Variants in MTOR observed in about 807,000 individuals in gnomAD.
The protein encoded by MTOR is mechanistic target of rapamycin kinase.
MTOR carries 70 observed loss-of-function variants against 319.8 expected under a neutral mutation model. The ratio of observed to expected loss-of-function variants is 0.22; its 90% CI spans 0.18 to 0.27. The LOEUF is 0.27. Among genes scored for constraint, MTOR ranks in the 10% least tolerant of loss-of-function variants. The probability of loss-of-function intolerance (pLI) is 1.00; values close to 1 mark genes in which losing one functional copy is unlikely to be tolerated. For missense variants in MTOR, 1,890 were observed against 3,274.4 expected, an observed-to-expected ratio of 0.58 and a Z score of 10.32; for synonymous variants, 1,183 against 1,211.4, an observed-to-expected ratio of 0.98 and a Z score of 0.49.
At chr1:11,176,445 C>T (rs564912050) in intron 28 of MTOR, among the ~76,000 whole-genome samples, 21 of 152,342 alleles carry the variant, frequency 1.4e-4, no homozygotes, top group East Asian at 1.9e-4. Flanking sequence ...GCTTCCCCAG[C>T]GCTCCCATCA....
chr1:11,125,365 T>A (rs562469250), intron 46 of MTOR, among the ~76,000 whole-genome samples: 2 of 152,288 alleles, frequency 1.3e-5, no homozygotes, highest in East Asian at 3.9e-4. Context: ...GCAGAGATAA[T>A]CACCTGTGGA....
At chr1:11,192,367 G>A (rs1188095196) in intron 28 of MTOR, 1 of 1,609,840 alleles carries the variant, frequency 6.2e-7, no homozygotes, top group African/African-American at 1.3e-5. Flanking sequence ...GCCCTGAACT[G>A]GAGGTGAGGT....
chr1:11,139,805 C>T lies in MTOR; in HGVS notation c.4873-147G>A, dbSNP rs1643602932. 18 of 969,990 alleles carry T rather than the reference C, an allele frequency of 1.9e-5. 1 individual carries two copies. The South Asian group carries it at 2.7e-4, about 15-fold the overall frequency. The allele number at this position is 969,990 out of a possible 1,614,324, so 60.1% of individuals were successfully genotyped here. A position where few individuals can be genotyped will look rare whatever the true frequency, so the allele number is the denominator to read the frequency against. ...CTCCCGGGTTCAAGCAATTCTCCTG[C>T]CTCAGCCTCCCGAGTAGCGGGGATT... On this transcript the variant is annotated intron_variant, in intron 34 of 57. Coordinates refer to ENST00000361445, the MANE Select transcript of MTOR (RefSeq NM_004958.4).
intron 28 of MTOR, chr1:11,189,365 G>T (rs951804113): frequency 2.8e-5 from 16 of 571,184 alleles, no homozygotes; most frequent in African/African-American, 2.4e-4. Flanking sequence ...GGGCTTGGAA[G>T]GAAAGCTATA....
Position 11,114,844 on chromosome 1 carries a change from C to A in MTOR, c.7133G>T (p.Arg2378Ile), listed in dbSNP as rs2100320677. Residue 2378 changes from arginine (R) to isoleucine (I), a missense_variant, in exon 52 of 58, where the codon AGA (arginine) becomes ATA (isoleucine). Physicochemically the swap from Arg to Ile is moderately conservative, Grantham distance 97. Transcript: ENST00000361445. ...REKFPEKIPF[R>I]LTRMLTNAME... ...AGCATTGGTCAACATTCTTGTTAGT[C>A]TAAATGGAATCTTCTCTGGAAACTT... 6.2e-7 allele frequency: 1 copy of A among 1,614,126 alleles called. No homozygotes were observed. Among genetic ancestry groups the A allele is most frequent in the South Asian group, 1.1e-5 (1 of 91,068 alleles).
chr1:11,194,067 C>A (rs915637014), intron 28 of MTOR, among the ~76,000 whole-genome samples: 2 of 152,118 alleles, frequency 1.3e-5, no homozygotes, highest in African/African-American at 4.8e-5. Context: ...CTGCTCTGGC[C>A]GAGCATGAGG....
At position 11,133,901 on chromosome 1, in the gene MTOR, G is replaced by C. The variant is rs1238870465; in HGVS notation, c.5246+450C>G. Among the ~76,000 whole-genome samples the C allele has an allele frequency of 1.3e-5, 2 of 152,120 alleles. No homozygotes were observed. The highest frequency in any genetic ancestry group is 1.9e-4 in the East Asian group (1 of 5,202). The stretch of plus-strand genomic sequence containing the variant: ...ATTAAACTTGTAGGAGGAAATGCAG[G>C]CTCTATGCCTGTTCTTTTGTAGAGA... On this transcript the variant is annotated intron_variant, in intron 37 of 57. Transcript: ENST00000361445. This position sits in a 1 kb window ranked among gnomAD's most constrained non-coding sequence, Gnocchi z 4.0.
rs1354649699 is a variant in MTOR at position 11,262,396 on chromosome 1, T to C, written c.-15+49A>G. On this transcript the variant is annotated intron_variant, in intron 1 of 57. Transcript: ENST00000361445. ...CCCCCACGGGCAGGCTGGCCGTGGG[T>C]CTGGACATTACGCCGCCCTAGAGGG... The C allele has an allele frequency of 2.0e-5, 3 of 152,466 alleles. No individual in the cohort carries two copies. The East Asian group carries it at 5.8e-4, about 30-fold the overall frequency. The allele number at this position is 152,466 out of a possible 1,614,324, so 9.4% of individuals were successfully genotyped here.
intron 1 of MTOR, among the ~76,000 whole-genome samples, chr1:11,260,546 TAA>T (rs879816976): frequency 1.4e-4 from 19 of 135,328 alleles, no homozygotes; most frequent in Admixed American, 5.2e-4. Flanking sequence ...CCATCTCAAT[TAA>T]AAAAAAAAAA....
At chr1:11,227,347 T>C (rs535567387) in intron 19 of MTOR, among the ~76,000 whole-genome samples, 3 of 137,728 alleles carry the variant, frequency 2.2e-5, no homozygotes, top group East Asian at 4.1e-4. Flanking sequence ...TTGATAGTTA[T>C]AAATACAATA....
rs369958728 is a variant in MTOR at position 11,114,304 on chromosome 1, T to C, written c.7300+14A>G. ...GCCACTGAGCTCAGCTCCCAGGCAC[T>C]TGATGATACTCACTGTCCATCAGCC... On this transcript the variant is annotated intron_variant, in intron 53 of 57. Coordinates refer to ENST00000361445, the MANE Select transcript of MTOR (RefSeq NM_004958.4). 6.2e-6 allele frequency: 10 copies of C among 1,613,278 alleles called. No individual in the cohort carries two copies. Among genetic ancestry groups the C allele is most frequent in the East Asian group, 2.2e-5 (1 of 44,880 alleles).
chr1:11,259,465 A>G, intron 1 of MTOR, 42 bp from the exon 2 acceptor site: 1 of 1,498,494 alleles, frequency 6.7e-7, no homozygotes, highest in Non-Finnish European at 8.9e-7. Context: ...ATAAGAAAGT[A>G]TGATGATAAA....
Position 11,243,052 on chromosome 1 carries a change from T to C in MTOR, c.1412+62A>G, listed in dbSNP as rs1648291440. On this transcript the variant is annotated intron_variant, in intron 9 of 57. Coordinates refer to ENST00000361445, the MANE Select transcript of MTOR (RefSeq NM_004958.4). ...GGGCGTAAGCTCCGTGGATCTGAAATAGAGCGTCCTTCCTCTCCAACCAAA... is the reference window on the plus strand; with the variant it reads ...GGGCGTAAGCTCCGTGGATCTGAAACAGAGCGTCCTTCCTCTCCAACCAAA... 10 of 1,588,106 alleles carry C rather than the reference T, an allele frequency of 6.3e-6. 1 individual carries two copies. The highest frequency in any genetic ancestry group is 1.4e-5 in the African/African-American group (1 of 73,668).
intron 25 of MTOR, among the ~76,000 whole-genome samples, chr1:11,205,140 G>A (rs1278497715): frequency 6.6e-6 from 1 of 152,206 alleles, no homozygotes; most frequent in African/African-American, 2.4e-5. Flanking sequence ...GCAACCAGGT[G>A]AGCAGTGAGC....
chr1:11,146,481 T>C (rs765284723), intron 32 of MTOR, among the ~76,000 whole-genome samples, 195 bp downstream of exon 32: 17 of 151,840 alleles, frequency 1.1e-4, no homozygotes, highest in Non-Finnish European at 1.9e-4. Flanking sequence ...TTTGTCCCCC[T>C]CAGAACAATA....
Position 11,259,533 on chromosome 1 carries a change from G to T in MTOR, c.-14-110C>A, listed in dbSNP as rs908251470. The T allele has an allele frequency of 3.4e-6, 4 of 1,168,448 alleles. No individual in the cohort carries two copies. The African/African-American group carries it at 4.8e-5, about 14-fold the overall frequency. The allele number at this position is 1,168,448 out of a possible 1,614,324, so 72.4% of individuals were successfully genotyped here. On this transcript the variant is annotated intron_variant, in intron 1 of 57. Transcript: ENST00000361445. The stretch of plus-strand genomic sequence containing the variant: ...CTCCCCCTAGCCCTTGTCAGGCAGG[G>T]GATTCTAAAAAGGTTGAGAGATCTG...
chr1:11,169,082 C>T (rs1320763831), intron 28 of MTOR, among the ~76,000 whole-genome samples: 2 of 152,164 alleles, frequency 1.3e-5, no homozygotes, highest in Non-Finnish European at 2.9e-5. Context: ...TGGGAAATTC[C>T]AGGATTTGAG....
chr1:11,129,291 C>A lies in MTOR; in HGVS notation c.5715-340G>T, dbSNP rs1384556732. 1.3e-5 allele frequency among the ~76,000 whole-genome samples: 2 copies of A among 152,222 alleles called. No homozygotes were observed. Among genetic ancestry groups the A allele is most frequent in the African/African-American group, 4.8e-5 (2 of 41,466 alleles). ...CTGTACGGCAGAGGCAACAGGGACA[C>A]CTGGCTCTTAGCTGGCTGGAGATCC... On this transcript the variant is annotated intron_variant, in intron 40 of 57. Coordinates refer to ENST00000361445, the MANE Select transcript of MTOR (RefSeq NM_004958.4). The surrounding 1 kb of genome is among the most constrained non-coding windows in gnomAD (Gnocchi z 4.7).
intron 24 of MTOR, among the ~76,000 whole-genome samples, chr1:11,210,404 C>T (rs933526482): frequency 2.0e-5 from 3 of 152,216 alleles, no homozygotes; most frequent in Admixed American, 6.5e-5. Context: ...CCTGCCTTGG[C>T]CTCCCAAGGC....
Sources: allele counts gnomAD v4.1 joint callset (sites outside exome capture counted in the v4.1 genomes callset), GRCh38; gene constraint gnomAD v4.1.1; non-coding constraint Gnocchi (gnomAD v3.1); transcripts MANE v1.5; gene names NCBI Gene and HGNC (gene_info 2026-07-23, HGNC 2026-07-21).